Variants in LGALS8 observed in about 807,000 individuals in gnomAD.
LGALS8 encodes the protein galectin 8.
A neutral mutation model predicts 35.9 loss-of-function variants in LGALS8; 30 were observed. The observed-to-expected ratio is 0.83, with a 90% CI of 0.62 to 1.13. The LOEUF is 1.13. Ranked by LOEUF, LGALS8 falls within the 50% of genes most tolerant of loss-of-function variation. The pLI is 0.00. For missense variants in LGALS8, 366 were observed against 388.7 expected, an observed-to-expected ratio of 0.94 and a Z score of 0.49; for synonymous variants, 138 against 136.1, an observed-to-expected ratio of 1.01 and a Z score of -0.10.
At chr1:236,522,108 T>C (rs1208881792), upstream of LGALS8, among the ~76,000 whole-genome samples, 1 of 152,190 alleles carries the variant, frequency 6.6e-6, no homozygotes, top group Non-Finnish European at 1.5e-5. Context: ...ACTGGGCTAA[T>C]TGAACAACAG....
At chr1:236,525,105 CT>C (rs1003728082) in intron 1 of LGALS8, among the ~76,000 whole-genome samples, 4 of 152,138 alleles carry the variant, frequency 2.6e-5, no homozygotes, top group African/African-American at 9.7e-5. Context: ...CAACACTCCC[CT>C]GCCCTGTGAT....
At position 236,552,704 on chromosome 1, in the gene LGALS8, T is replaced by C. The variant is rs1662807720; in HGVS notation, c.*4543T>C. On this transcript the variant is annotated 3_prime_UTR_variant, in exon 10 of 10. Transcript: ENST00000366584. Reference sequence around the variant, plus strand: ...AGGAAAGCAAGCAGTAGTTGGGTATTGTTAGCTTTTGAAACAAAAGCCCTA... The same window carrying C: ...AGGAAAGCAAGCAGTAGTTGGGTATCGTTAGCTTTTGAAACAAAAGCCCTA... The C allele has an allele frequency of 6.6e-6, 1 of 152,272 alleles. No homozygotes were observed. The highest frequency in any genetic ancestry group is 2.4e-5 in the African/African-American group (1 of 41,474). 9.4% of individuals were successfully genotyped at this position (152,272 alleles called of 1,614,324 possible).
chr1:236,538,801 G>A, intron 3 of LGALS8, 78 bp from the exon 4 acceptor site: 1 of 962,712 alleles, frequency 1.0e-6, no homozygotes, highest in Non-Finnish European at 1.7e-6. Flanking sequence ...TGGGCCTGGA[G>A]TGTAGTGCCT....
At position 236,538,892 on chromosome 1, in the gene LGALS8, C is replaced by A. The variant is rs1661755996; in HGVS notation, c.148C>A (p.Leu50Met). The change falls in exon 4 of 10, where the codon CTG becomes ATG. Residue 50 changes from leucine (L) to methionine (M), a missense_variant. Coordinates refer to ENST00000366584, the MANE Select transcript of LGALS8 (RefSeq NM_201544.4). Reference protein sequence around the residue: ...PSDADRFQVDLQNGSSMKPRA... With the variant: ...PSDADRFQVDMQNGSSMKPRA... The stretch of plus-strand genomic sequence containing the variant: ...TCCCTCATATAGATTCCAGGTGGAT[C>A]TGCAGAATGGCAGCAGCATGAAACC... 6.2e-7 allele frequency: 1 copy of A among 1,612,360 alleles called. No homozygotes were observed. Among genetic ancestry groups the A allele is most frequent in the African/African-American group, 1.3e-5 (1 of 74,870 alleles).
intron 2 of LGALS8, among the ~76,000 whole-genome samples, chr1:236,535,795 T>C (rs549123486): frequency 2.0e-5 from 3 of 152,354 alleles, no homozygotes; most frequent in African/African-American, 7.2e-5. Flanking sequence ...GCTTCCGTAA[T>C]TTCTCATCTT....
rs751617070 is a variant in LGALS8 at position 236,540,544 on chromosome 1, T to C, written c.346-20T>C. On this transcript the variant is annotated intron_variant, in intron 4 of 9. Transcript: ENST00000366584. ...TTTTTTTTGGTGGCGGGGGGGGCTC[T>C]GTCTTCTGTATCTCTCTAGGTGGCT... The C allele has an allele frequency of 1.3e-6, 2 of 1,526,234 alleles. No homozygotes were observed. The highest frequency in any genetic ancestry group is 2.4e-5 in the East Asian group (1 of 41,802). The allele number at this position is 1,526,234 out of a possible 1,614,324, so 94.5% of individuals were successfully genotyped here.
intron 2 of LGALS8, among the ~76,000 whole-genome samples, chr1:236,531,025 A>G (rs1661112332): frequency 6.6e-6 from 1 of 152,038 alleles, no homozygotes; most frequent in African/African-American, 2.4e-5. Flanking sequence ...ACGTGCATGC[A>G]TTTTACCGTA....
In LGALS8 at chr1:236,537,524, G is replaced by A. The variant is rs780018784; in HGVS notation, c.73G>A (p.Asp25Asn). The change falls in exon 3 of 10, where the codon GAT (aspartate) becomes AAT (asparagine). Residue 25 changes from aspartate to asparagine, a missense_variant. Coordinates refer to ENST00000366584, the MANE Select transcript of LGALS8 (RefSeq NM_201544.4). ...PVIPFVGTIP[D>N]QLDPGTLIVI... ...AATCCCGTTTGTTGGCACCATTCCT[G>A]ATCAGCTGGATCCTGGAACTTTGAT... is the stretch of plus-strand genomic sequence containing the variant. The A allele has an allele frequency of 1.1e-5, 17 of 1,604,512 alleles. No individual in the cohort carries two copies. Among genetic ancestry groups the A allele is most frequent in the South Asian group, 5.5e-5 (5 of 90,988 alleles).
At chr1:236,543,166 A>G (rs1057113921) in intron 7 of LGALS8, 148 of 875,254 alleles carry the variant, frequency 1.7e-4, no homozygotes, top group Non-Finnish European at 1.3e-4. Flanking sequence ...CCGTCCCTGG[A>G]CGGATTCGAG....
At chr1:236,537,351 G>C in intron 2 of LGALS8, 146 bp from the exon 3 acceptor site, 1 of 628,016 alleles carries the variant, frequency 1.6e-6, no homozygotes, top group Non-Finnish European at 2.8e-6. Flanking sequence ...TAGGAAAGAT[G>C]ACTTGGAAAA....
Position 236,544,916 on chromosome 1 carries a change from G to A in LGALS8, c.804+1G>A. ...ATTTAGTCCTGGGATGTACTTTGAG[G>A]TGAGGTTACAGTTTTTGAAAATGGG... On this transcript the variant is annotated splice_donor_variant, in intron 9 of 9. Coordinates refer to ENST00000366584, the MANE Select transcript of LGALS8 (RefSeq NM_201544.4). LOFTEE classifies it high-confidence loss of function. 6.2e-7 allele frequency: 1 copy of A among 1,603,146 alleles called. No homozygotes were observed. The highest frequency in any genetic ancestry group is 8.5e-7 in the Non-Finnish European group (1 of 1,173,948).
At chr1:236,537,055 C>T (rs868015338) in intron 2 of LGALS8, among the ~76,000 whole-genome samples, 8 of 129,428 alleles carry the variant, frequency 6.2e-5, no homozygotes, top group African/African-American at 1.9e-4. Context: ...CTTGCTCTGT[C>T]GCCCAGGCTG....
chr1:236,535,826 G>C (rs1271479394), intron 2 of LGALS8, among the ~76,000 whole-genome samples: 2 of 152,256 alleles, frequency 1.3e-5, no homozygotes, highest in African/African-American at 4.8e-5. Flanking sequence ...GCAACAGAGA[G>C]CTTGTGGGCT....
rs958528195 is a variant in LGALS8 at position 236,549,297 on chromosome 1, A to G, written c.*1136A>G. ...GTTCCATTTCTGTGATTTTTCTATT[A>G]TTTGAGGGGAGTTGGCAGAAGTTCC... is the stretch of plus-strand genomic sequence containing the variant. On this transcript the variant is annotated 3_prime_UTR_variant, in exon 10 of 10. Coordinates refer to ENST00000366584, the MANE Select transcript of LGALS8 (RefSeq NM_201544.4). 20 of 244,334 alleles carry G rather than the reference A, an allele frequency of 8.2e-5. No homozygotes were observed. In the East Asian group the frequency reaches 1.5e-3, roughly 18 times the overall value. 15.1% of individuals were successfully genotyped at this position (244,334 alleles called of 1,614,324 possible).
chr1:236,533,013 T>C (rs529741996), intron 2 of LGALS8, among the ~76,000 whole-genome samples: 16 of 152,316 alleles, frequency 1.1e-4, no homozygotes, highest in African/African-American at 3.6e-4. Context: ...ACGCCAGGCT[T>C]ATGGCAGCAG....
chr1:236,541,587 A>AGACAGGTT, intron 5 of LGALS8, 67 bp from the exon 6 acceptor site: 2 of 737,982 alleles, frequency 2.7e-6, no homozygotes, highest in South Asian at 3.8e-5. Context: ...TTTATATGTC[A>AGACAGGTT]ATATAAAATA....
At position 236,541,729 on chromosome 1, in the gene LGALS8, A is replaced by G. The variant is rs762372380; in HGVS notation, c.522+19A>G. The G allele has an allele frequency of 1.5e-6, 2 of 1,323,666 alleles. No homozygotes were observed. Among genetic ancestry groups the G allele is most frequent in the Admixed American group, 2.2e-5 (1 of 46,366 alleles). 82.0% of individuals were successfully genotyped at this position (1,323,666 alleles called of 1,614,324 possible). On this transcript the variant is annotated intron_variant, in intron 6 of 9. Transcript: ENST00000366584. ...AGAAAATGTAAATATTAAATCTTTTAATGAGCCACTGGTTTAAAAATGTTG... is the reference window on the plus strand; with the variant it reads ...AGAAAATGTAAATATTAAATCTTTTGATGAGCCACTGGTTTAAAAATGTTG...
chr1:236,546,577 G>T (rs1245539082), intron 9 of LGALS8, among the ~76,000 whole-genome samples: 1 of 152,184 alleles, frequency 6.6e-6, no homozygotes, highest in Non-Finnish European at 1.5e-5. Flanking sequence ...AGATGGTTGT[G>T]AGGGATTCTG....
At chr1:236,541,496 G>C (rs934652558) in intron 5 of LGALS8, 158 bp from the exon 6 acceptor site, 6 of 506,282 alleles carry the variant, frequency 1.2e-5, no homozygotes, top group Non-Finnish European at 2.1e-5. Context: ...CCAATCTGAT[G>C]GGGGGCGGAA....
Sources: allele counts gnomAD v4.1 joint callset (sites outside exome capture counted in the v4.1 genomes callset), GRCh38; gene constraint gnomAD v4.1.1; transcripts MANE v1.5; gene names NCBI Gene and HGNC (gene_info 2026-07-23, HGNC 2026-07-21).